The following CCDC198 variants were observed in gnomAD, a reference collection of about 807,000 sequenced individuals.
The protein encoded by CCDC198 is coiled-coil domain containing 198, also known as factor associated with metabolism and energy.
In CCDC198, 18 loss-of-function variants were observed where a neutral mutation model predicts 35.6. The observed-to-expected ratio is 0.51, with a 90% CI of 0.35 to 0.75. The LOEUF is 0.75. CCDC198 is among the 30% of genes least tolerant of loss of function. The pLI is 0.01. For synonymous variants in CCDC198, 119 were observed against 113.4 expected, an observed-to-expected ratio of 1.05 and a Z score of -0.31; for missense variants, 365 against 343.7, an observed-to-expected ratio of 1.06 and a Z score of -0.49.
chr14:57,469,857 C>A lies in CCDC198; in HGVS notation c.*1498G>T, dbSNP rs533389428. ...AATGTCAAATTGAAGTGGTGTTTTC[C>A]TCTATTTTTTTCTGTTTTTGGAGTC... On this transcript the variant is annotated 3_prime_UTR_variant, in exon 6 of 6. Transcript: ENST00000216445. The A allele has an allele frequency of 2.0e-5, 3 of 152,262 alleles. No homozygotes were observed. The highest frequency in any genetic ancestry group is 4.4e-5 in the Non-Finnish European group (3 of 68,012). The allele number at this position is 152,262 out of a possible 1,614,324, so 9.4% of individuals were successfully genotyped here.
intron 5 of CCDC198, among the ~76,000 whole-genome samples, chr14:57,472,093 A>T (rs2066840919): frequency 6.6e-6 from 1 of 152,142 alleles, no homozygotes; most frequent in Admixed American, 6.5e-5. Flanking sequence ...TCTATATTCA[A>T]ATATCCATGG....
chr14:57,475,807 T>TG (rs1339318803), intron 5 of CCDC198: 2 of 298,540 alleles, frequency 6.7e-6, no homozygotes, highest in African/African-American at 6.7e-5. Context: ...TTTTTTTTTT[T>TG]TTTTTTTTTT....
At chr14:57,493,434 C>A in intron 1 of CCDC198, 59 bp downstream of exon 1, 1 of 1,388,782 alleles carries the variant, frequency 7.2e-7, no homozygotes, top group Non-Finnish European at 1.0e-6. Context: ...GTCAGATAAA[C>A]CTATTAATAA....
In CCDC198 at chr14:57,484,885, G is replaced by C. The variant is rs558539236; in HGVS notation, c.307-1734C>G. 1.4e-4 allele frequency among the ~76,000 whole-genome samples: 21 copies of C among 152,312 alleles called. 1 individual carries two copies. The East Asian group carries it at 4.1e-3, about 29-fold the overall frequency. ...GTGGAAACTAGGAAGGAATAATTAT[G>C]GATGTGGAGAGATCAGCTAAGAGGA... is the stretch of plus-strand genomic sequence containing the variant. On this transcript the variant is annotated intron_variant, in intron 2 of 5. Transcript: ENST00000216445.
chr14:57,470,175 G>A lies in CCDC198; in HGVS notation c.*1180C>T, dbSNP rs571888441. The A allele has an allele frequency of 6.6e-6, 1 of 152,284 alleles. No homozygotes were observed. The highest frequency in any genetic ancestry group is 1.5e-5 in the Non-Finnish European group (1 of 68,020). 9.4% of individuals were successfully genotyped at this position (152,284 alleles called of 1,614,324 possible). ...TAATTCACAACGATCTTCTACACGT[G>A]ACATTATCTCACGTGTATCCTGTAG... On this transcript the variant is annotated 3_prime_UTR_variant, in exon 6 of 6. Coordinates refer to ENST00000216445, the MANE Select transcript of CCDC198 (RefSeq NM_018168.4).
chr14:57,478,942 A>G, intron 5 of CCDC198: 2 of 1,286,286 alleles, frequency 1.6e-6, no homozygotes, highest in Non-Finnish European at 2.0e-6. Flanking sequence ...GCGGTGGGTC[A>G]GTCCTGCTGA....
intron 1 of CCDC198, among the ~76,000 whole-genome samples, chr14:57,491,550 C>G (rs536563795): frequency 6.6e-6 from 1 of 152,028 alleles, no homozygotes; most frequent in East Asian, 1.9e-4. Flanking sequence ...AAATGGAGTA[C>G]GTGTGAACAC....
intron 4 of CCDC198, 121 bp downstream of exon 4, chr14:57,481,438 C>A: frequency 1.5e-6 from 1 of 664,198 alleles, no homozygotes; most frequent in South Asian, 1.9e-5. Flanking sequence ...AACCTTCAAC[C>A]TCAATGACGA....
intron 4 of CCDC198, among the ~76,000 whole-genome samples, chr14:57,481,144 T>C (rs1237561707): frequency 6.6e-6 from 1 of 152,160 alleles, no homozygotes; most frequent in Non-Finnish European, 1.5e-5. Flanking sequence ...TTTGGTTGGT[T>C]GGTTGTTTTT....
intron 2 of CCDC198, among the ~76,000 whole-genome samples, chr14:57,489,729 A>T (rs926620738): frequency 6.6e-6 from 1 of 152,110 alleles, no homozygotes; most frequent in Non-Finnish European, 1.5e-5. Context: ...GGACTGATAG[A>T]TATAAAAAGT....
intron 4 of CCDC198, 75 bp from the exon 5 acceptor site, chr14:57,480,829 A>T (rs1229955222): frequency 6.7e-7 from 1 of 1,493,756 alleles, no homozygotes; most frequent in East Asian, 2.3e-5. Context: ...CAGATCAGCC[A>T]CTTTGCAAGT....
At chr14:57,485,672 A>G (rs753454924) in intron 2 of CCDC198, among the ~76,000 whole-genome samples, 33 of 152,286 alleles carry the variant, frequency 2.2e-4, no homozygotes, top group Non-Finnish European at 4.4e-4. Context: ...CTGGTCCTGG[A>G]CTGGAGAGCA....
At position 57,493,530 on chromosome 14, in the gene CCDC198, T is replaced by G; in HGVS notation, c.186A>C (p.Pro62=). ...DQNKALEGQL[P]PLQENWYGRY... ...TTCCATACCAGTTTTCTTGTAAAGG[T>G]GGCAGCTGCCCTTCCAAGGCTTTAT... Residue 62 remains proline (P), a synonymous_variant, in exon 1 of 6, where the codon CCA becomes CCC. Coordinates refer to ENST00000216445, the MANE Select transcript of CCDC198 (RefSeq NM_018168.4). 1 of 1,613,964 alleles carries G rather than the reference T, an allele frequency of 6.2e-7. No individual in the cohort carries two copies. The highest frequency in any genetic ancestry group is 8.5e-7 in the Non-Finnish European group (1 of 1,179,872).
chr14:57,479,131 G>A (rs1340282528), intron 5 of CCDC198: 3 of 885,950 alleles, frequency 3.4e-6, no homozygotes, highest in Non-Finnish European at 4.8e-6. Flanking sequence ...AGAGCGATCT[G>A]AGAGCATAAA....
At chr14:57,486,734 A>G (rs989304731) in intron 2 of CCDC198, among the ~76,000 whole-genome samples, 15 of 152,202 alleles carry the variant, frequency 9.9e-5, no homozygotes, top group Non-Finnish European at 2.2e-4. Flanking sequence ...TTATTAAACT[A>G]ATCTATCCAT....
Position 57,470,286 on chromosome 14 carries a change from C to G in CCDC198, c.*1069G>C, listed in dbSNP as rs1456814242. The G allele has an allele frequency of 6.6e-6, 1 of 152,098 alleles. No individual in the cohort carries two copies. Among genetic ancestry groups the G allele is most frequent in the Non-Finnish European group, 1.5e-5 (1 of 68,014 alleles). The allele number at this position is 152,098 out of a possible 1,614,324, so 9.4% of individuals were successfully genotyped here. ...CATTACTGTGAATTTCCTTTAGAAA[C>G]TCACTTTTATTTGTCTCCAGTCTAC... is the stretch of plus-strand genomic sequence containing the variant. On this transcript the variant is annotated 3_prime_UTR_variant, in exon 6 of 6. Coordinates refer to ENST00000216445, the MANE Select transcript of CCDC198 (RefSeq NM_018168.4).
At chr14:57,475,896 G>A (rs2066980787) in intron 5 of CCDC198, among the ~76,000 whole-genome samples, 1 of 140,554 alleles carries the variant, frequency 7.1e-6, no homozygotes, top group South Asian at 2.4e-4. Flanking sequence ...CTGCCTCTCA[G>A]GTTCAAGTAA....
chr14:57,492,337 A>C (rs559816903), intron 1 of CCDC198, among the ~76,000 whole-genome samples: 1 of 152,000 alleles, frequency 6.6e-6, no homozygotes, highest in Non-Finnish European at 1.5e-5. Context: ...CCATTTATTC[A>C]GTTACCTAAA....
intron 2 of CCDC198, among the ~76,000 whole-genome samples, chr14:57,485,192 G>C (rs2067317638): frequency 6.6e-6 from 1 of 152,104 alleles, no homozygotes; most frequent in Non-Finnish European, 1.5e-5. Context: ...TGGGAGGAGA[G>C]GTCTGTGCTG....
Sources: gnomAD v4.1 joint callset for allele counts (sites outside exome capture counted in the v4.1 genomes callset) on GRCh38, gnomAD v4.1.1 for gene constraint, MANE v1.5 for transcripts, NCBI Gene and HGNC (gene_info 2026-07-23, HGNC 2026-07-21) for gene names.